The following RBMS3 variants were observed in gnomAD, a reference collection of about 807,000 sequenced individuals.
RBMS3 encodes the protein RNA binding motif single stranded interacting protein 3.
A neutral mutation model predicts 66.8 loss-of-function variants in RBMS3; 27 were observed. The ratio of observed to expected loss-of-function variants is 0.40; its 90% CI spans 0.30 to 0.56. The LOEUF (loss-of-function observed/expected upper bound fraction) is 0.56, where lower values mean the gene tolerates loss of function less well. Among genes scored for constraint, RBMS3 ranks in the 20% least tolerant of loss-of-function variants. The pLI, the probability that RBMS3 is intolerant of heterozygous loss-of-function variation, is 0.40. For missense variants in RBMS3, 513 were observed against 549.5 expected (o/e 0.93, Z 0.66); for synonymous variants, 188 against 183.0 (o/e 1.03, Z -0.22).
At chr3:29,333,240 A>G (rs2035765536) in intron 1 of RBMS3, among the ~76,000 whole-genome samples, 1 of 152,132 alleles carries the variant, frequency 6.6e-6, no homozygotes, top group Non-Finnish European at 1.5e-5. Context: ...TCAATTGTGT[A>G]TTTCTTTCAT....
chr3:29,402,883 A>G (rs1327071108), intron 1 of RBMS3, among the ~76,000 whole-genome samples: 1 of 152,078 alleles, frequency 6.6e-6, no homozygotes, highest in Non-Finnish European at 1.5e-5. Context: ...GTTTATGGAC[A>G]CAAAATAACT....
chr3:29,735,299 T>G (rs1370725088), intron 4 of RBMS3, among the ~76,000 whole-genome samples: 1 of 152,148 alleles, frequency 6.6e-6, no homozygotes, highest in Non-Finnish European at 1.5e-5. Context: ...AAAAAGGAAG[T>G]CATTTCAGAG....
At chr3:29,576,696 A>G (rs1336934130) in intron 3 of RBMS3, among the ~76,000 whole-genome samples, 2 of 152,070 alleles carry the variant, frequency 1.3e-5, no homozygotes, top group African/African-American at 2.4e-5. Flanking sequence ...TCAGTCCACA[A>G]TATAAAGTTC....
At chr3:29,473,398 G>A (rs1299112956) in intron 2 of RBMS3, among the ~76,000 whole-genome samples, 5 of 152,248 alleles carry the variant, frequency 3.3e-5, no homozygotes, top group Non-Finnish European at 5.9e-5. Flanking sequence ...TAGACATAAA[G>A]GTTCTCCAAG....
chr3:29,817,821 AC>A (rs2057956936), intron 6 of RBMS3, among the ~76,000 whole-genome samples: 1 of 151,996 alleles, frequency 6.6e-6, no homozygotes, highest in Admixed American at 6.6e-5. Context: ...TATAAAAAAA[AC>A]AAGCAGAAGG....
chr3:29,316,994 A>G (rs1163671109), intron 1 of RBMS3, among the ~76,000 whole-genome samples: 4 of 151,796 alleles, frequency 2.6e-5, no homozygotes, highest in African/African-American at 9.7e-5. Context: ...CCCAATTTGT[A>G]TGTAGATTAT....
intron 2 of RBMS3, among the ~76,000 whole-genome samples, chr3:29,465,878 CT>C (rs2042526467): frequency 6.6e-6 from 1 of 151,932 alleles, no homozygotes; most frequent in Non-Finnish European, 1.5e-5. Flanking sequence ...TAAATTGGGT[CT>C]GAGCATATTA....
intron 1 of RBMS3, among the ~76,000 whole-genome samples, chr3:29,374,389 T>C (rs1161628055): frequency 6.6e-6 from 1 of 152,214 alleles, no homozygotes; most frequent in African/African-American, 2.4e-5. Context: ...ATATTAAAAG[T>C]TACATCATAG....
At chr3:29,806,939 C>G (rs951538233) in intron 6 of RBMS3, among the ~76,000 whole-genome samples, 1 of 151,860 alleles carries the variant, frequency 6.6e-6, no homozygotes, top group African/African-American at 2.4e-5. Context: ...TGGATTTTTT[C>G]CAATATTATA....
intron 10 of RBMS3, among the ~76,000 whole-genome samples, chr3:29,922,846 T>C (rs532890715): frequency 6.6e-6 from 1 of 152,342 alleles, no homozygotes; most frequent in South Asian, 2.1e-4. Flanking sequence ...TTTAAAACAA[T>C]ATAGTTATAG....
chr3:29,990,480 A>AAAAT (rs1698779859), intron 13 of RBMS3, among the ~76,000 whole-genome samples: 1 of 141,470 alleles, frequency 7.1e-6, no homozygotes, highest in African/African-American at 2.6e-5. Flanking sequence ...AAAAAAAAAA[A>AAAAT]AAATAGGGTG....
At chr3:29,979,544 G>A (rs1014999004) in intron 12 of RBMS3, among the ~76,000 whole-genome samples, 16 of 152,010 alleles carry the variant, frequency 1.1e-4, no homozygotes, top group Non-Finnish European at 1.9e-4. Context: ...CCATCAACCC[G>A]TCATCTACAT....
intron 12 of RBMS3, among the ~76,000 whole-genome samples, chr3:29,975,964 ATC>A (rs1408960684): frequency 1.3e-5 from 2 of 151,978 alleles, no homozygotes; most frequent in African/African-American, 4.8e-5. Flanking sequence ...AATGTGGCAT[ATC>A]TCTGAATATA....
chr3:29,305,560 A>G (rs2033953184), intron 1 of RBMS3, among the ~76,000 whole-genome samples: 1 of 151,948 alleles, frequency 6.6e-6, no homozygotes, highest in South Asian at 2.1e-4. Flanking sequence ...TCTGACAACA[A>G]AAATGGATCT....
intron 8 of RBMS3, among the ~76,000 whole-genome samples, chr3:29,886,017 A>C (rs1245847730): frequency 6.6e-6 from 1 of 151,884 alleles, no homozygotes; most frequent in East Asian, 1.9e-4. Flanking sequence ...TGTGTTTAGC[A>C]TTTTTAATTA....
intron 6 of RBMS3, among the ~76,000 whole-genome samples, chr3:29,784,859 TG>T (rs773421060): frequency 5.9e-5 from 9 of 152,020 alleles, no homozygotes; most frequent in Non-Finnish European, 8.8e-5. Flanking sequence ...ATATTACAAC[TG>T]ATACCAAAGA....
In RBMS3 at chr3:29,335,256, T is replaced by C. The variant is rs528684914; in HGVS notation, c.75+53500T>C. Among the ~76,000 whole-genome samples the C allele has an allele frequency of 4.6e-5, 7 of 152,304 alleles. No homozygotes were observed. The South Asian group carries it at 1.5e-3, about 32-fold the overall frequency. ...AACATTATTTACTCCTTCCTGGTTT[T>C]GATTCAATCTCCAATGATAATGCGT... is the stretch of plus-strand genomic sequence containing the variant. On this transcript the variant is annotated intron_variant, in intron 1 of 14. Coordinates refer to ENST00000383767, the MANE Select transcript of RBMS3 (RefSeq NM_001003793.3).
At chr3:29,616,479 T>G (rs1024592213) in intron 4 of RBMS3, 1 of 157,902 alleles carries the variant, frequency 6.3e-6, no homozygotes, top group African/African-American at 2.4e-5. Flanking sequence ...AGAGCGAAAC[T>G]CTGTCTCAAA....
At chr3:29,359,069 A>G (rs2037402624) in intron 1 of RBMS3, among the ~76,000 whole-genome samples, 1 of 152,162 alleles carries the variant, frequency 6.6e-6, no homozygotes, top group Non-Finnish European at 1.5e-5. Flanking sequence ...CCTGGCCAGA[A>G]CTTCCAACAC....
Sources: allele counts gnomAD v4.1 joint callset (sites outside exome capture counted in the v4.1 genomes callset), GRCh38; gene constraint gnomAD v4.1.1; transcripts MANE v1.5; gene names NCBI Gene and HGNC (gene_info 2026-07-23, HGNC 2026-07-21).